Variants in CACNA2D3 observed in about 807,000 individuals in gnomAD.
CACNA2D3 encodes calcium voltage-gated channel auxiliary subunit alpha2delta 3.
Under a neutral mutation model 160.6 loss-of-function variants are expected in CACNA2D3, and 60 were observed. That is an observed-to-expected ratio of 0.37 (90% CI 0.30 to 0.46). CACNA2D3 has a LOEUF of 0.46. Among genes scored for constraint, CACNA2D3 ranks in the 20% least tolerant of loss-of-function variants. The pLI, the probability that CACNA2D3 is intolerant of heterozygous loss-of-function variation, is 1.00. For missense variants in CACNA2D3, 1,205 were observed against 1,365.0 expected, an observed-to-expected ratio of 0.88 and a Z score of 1.85; for synonymous variants, 558 against 492.9, an observed-to-expected ratio of 1.13 and a Z score of -1.75.
chr3:54,734,322 AAG>A (rs1701453609), intron 11 of CACNA2D3, among the ~76,000 whole-genome samples: 1 of 152,212 alleles, frequency 6.6e-6, no homozygotes, highest in Non-Finnish European at 1.5e-5. Flanking sequence ...GCATATCAGA[AAG>A]AAATTCACCC....
chr3:54,663,217 A>G (rs1045032469), intron 11 of CACNA2D3, among the ~76,000 whole-genome samples: 3 of 152,226 alleles, frequency 2.0e-5, no homozygotes, highest in African/African-American at 7.2e-5. Flanking sequence ...ACTTAGTTGT[A>G]GAATTTATAG....
intron 13 of CACNA2D3, among the ~76,000 whole-genome samples, chr3:54,808,255 G>C (rs1448486549): frequency 7.2e-5 from 11 of 152,012 alleles, no homozygotes; most frequent in Admixed American, 7.2e-4. Flanking sequence ...GTTCACTCCA[G>C]ATGCCCCAAT....
intron 29 of CACNA2D3, among the ~76,000 whole-genome samples, chr3:54,981,861 T>C (rs2107097351): frequency 6.6e-6 from 1 of 152,294 alleles, no homozygotes; most frequent in South Asian, 2.1e-4. Context: ...GAGTTTCAAC[T>C]TGTTGCCTCT....
chr3:55,052,268 G>A (rs745967058), intron 35 of CACNA2D3, among the ~76,000 whole-genome samples: 1 of 152,030 alleles, frequency 6.6e-6, no homozygotes, highest in African/African-American at 2.4e-5. Context: ...CTGATTTGGA[G>A]TTCTATTTTA....
chr3:54,711,463 A>G, intron 11 of CACNA2D3, among the ~76,000 whole-genome samples: 1 of 152,218 alleles, frequency 6.6e-6, no homozygotes, highest in East Asian at 1.9e-4. Flanking sequence ...TGATGGCAGC[A>G]GTTTGAGGAG....
At chr3:54,487,022 C>T (rs1701026097) in intron 4 of CACNA2D3, among the ~76,000 whole-genome samples, 1 of 152,172 alleles carries the variant, frequency 6.6e-6, no homozygotes, top group Non-Finnish European at 1.5e-5. Flanking sequence ...CCTCCTTTTC[C>T]TCCTACTCTA....
chr3:54,491,560 G>A (rs867718716), intron 4 of CACNA2D3, among the ~76,000 whole-genome samples: 7 of 152,088 alleles, frequency 4.6e-5, no homozygotes, highest in South Asian at 4.1e-4. Flanking sequence ...CACTGTCTTA[G>A]GACACCTTGA....
chr3:54,361,799 G>A (rs919694884), intron 3 of CACNA2D3, among the ~76,000 whole-genome samples: 6 of 152,288 alleles, frequency 3.9e-5, no homozygotes, highest in African/African-American at 1.2e-4. Flanking sequence ...CAGAGAGAGA[G>A]ACAGGAGAGG....
intron 6 of CACNA2D3, among the ~76,000 whole-genome samples, chr3:54,564,762 C>T (rs778639955): frequency 3.9e-5 from 6 of 152,272 alleles, no homozygotes; most frequent in South Asian, 2.1e-4. Flanking sequence ...TGCCCTCATC[C>T]AGCTCCTTCT....
At chr3:54,655,652 A>G (rs894361115) in intron 11 of CACNA2D3, among the ~76,000 whole-genome samples, 2 of 152,292 alleles carry the variant, frequency 1.3e-5, no homozygotes, top group African/African-American at 4.8e-5. Flanking sequence ...TGCATTATCC[A>G]TTTTACCTGA....
chr3:54,858,800 T>G (rs1159775598), intron 17 of CACNA2D3, among the ~76,000 whole-genome samples: 1 of 152,092 alleles, frequency 6.6e-6, no homozygotes, highest in Non-Finnish European at 1.5e-5. Flanking sequence ...ATCCAAATGG[T>G]CCCAACTGGG....
intron 2 of CACNA2D3, among the ~76,000 whole-genome samples, chr3:54,139,974 G>A (rs1264383171): frequency 1.3e-5 from 2 of 152,192 alleles, no homozygotes; most frequent in African/African-American, 2.4e-5. Context: ...CCGTGGGTTC[G>A]AATCCTGGCT....
intron 31 of CACNA2D3, among the ~76,000 whole-genome samples, chr3:54,988,619 A>T (rs1702669259): frequency 6.6e-6 from 1 of 152,216 alleles, no homozygotes; most frequent in Non-Finnish European, 1.5e-5. Flanking sequence ...TCCATTGCAC[A>T]TCGGTGGCCA....
chr3:54,864,505 C>T (rs967869392), intron 17 of CACNA2D3, among the ~76,000 whole-genome samples: 3 of 152,114 alleles, frequency 2.0e-5, no homozygotes, highest in Admixed American at 2.0e-4. Context: ...AACTCCAGAC[C>T]TGCCTCAGCC....
intron 13 of CACNA2D3, among the ~76,000 whole-genome samples, chr3:54,772,678 A>G (rs1702342012): frequency 6.6e-6 from 1 of 152,212 alleles, no homozygotes; most frequent in Admixed American, 6.5e-5. Flanking sequence ...TCATGTATTA[A>G]TTGACAAAAC....
At position 54,525,260 on chromosome 3, in the gene CACNA2D3, C is replaced by T. The variant is rs1049889173; in HGVS notation, c.544+21606C>T. 2.6e-5 allele frequency among the ~76,000 whole-genome samples: 4 copies of T among 152,048 alleles called. No homozygotes were observed. The South Asian group carries it at 6.2e-4, about 24-fold the overall frequency. On this transcript the variant is annotated intron_variant, in intron 5 of 37. Coordinates refer to ENST00000474759, the MANE Select transcript of CACNA2D3 (RefSeq NM_018398.3). ...CTGCACTCAACCACTTCCTTCATGC[C>T]GTTTTTGGCAAATATATTACCTCTC...
At chr3:54,313,206 A>C (rs1312780744) in intron 2 of CACNA2D3, among the ~76,000 whole-genome samples, 1 of 152,024 alleles carries the variant, frequency 6.6e-6, no homozygotes, top group African/African-American at 2.4e-5. Flanking sequence ...CAGGAGGTTA[A>C]TGGCTTCCTT....
At chr3:54,282,700 A>C (rs1430629502) in intron 2 of CACNA2D3, among the ~76,000 whole-genome samples, 1 of 152,258 alleles carries the variant, frequency 6.6e-6, no homozygotes, top group Non-Finnish European at 1.5e-5. Flanking sequence ...TGTAGTGAGA[A>C]GACATTAAAG....
At chr3:54,631,436 A>G (rs1699236137) in intron 10 of CACNA2D3, among the ~76,000 whole-genome samples, 1 of 152,170 alleles carries the variant, frequency 6.6e-6, no homozygotes. Flanking sequence ...AATATTTTCT[A>G]CTTCATCAAT....
Sources: gnomAD v4.1 joint callset for allele counts (sites outside exome capture counted in the v4.1 genomes callset) on GRCh38, gnomAD v4.1.1 for gene constraint, MANE v1.5 for transcripts, NCBI Gene and HGNC (gene_info 2026-07-23, HGNC 2026-07-21) for gene names.